The following HKDC1 variants were observed in gnomAD, a reference collection of about 807,000 sequenced individuals.
HKDC1 encodes hexokinase domain containing 1, also known as hexokinase HKDC1.
In HKDC1, 66 loss-of-function variants were observed where a neutral mutation model predicts 96.6. The ratio of observed to expected loss-of-function variants is 0.68; its 90% CI spans 0.56 to 0.84. The LOEUF (loss-of-function observed/expected upper bound fraction) is 0.84, where lower values mean the gene tolerates loss of function less well. Ranked by LOEUF, HKDC1 falls within the 40% of genes least tolerant of loss-of-function variation. The probability of loss-of-function intolerance (pLI) is 0.00; values close to 1 mark genes in which losing one functional copy is unlikely to be tolerated. For missense variants in HKDC1, 1,211 were observed against 1,208.1 expected (o/e 1.00, Z -0.04); for synonymous variants, 466 against 473.1 (o/e 0.98, Z 0.20).
intron 11 of HKDC1, 43 bp from the exon 12 acceptor site, chr10:69,250,490 C>T: frequency 4.3e-6 from 7 of 1,612,980 alleles, no homozygotes; most frequent in Non-Finnish European, 5.1e-6. Flanking sequence ...CACCCTGCAT[C>T]GATGTCCGCC....
At chr10:69,238,302 A>T (rs1006916435) in intron 4 of HKDC1, among the ~76,000 whole-genome samples, 2 of 151,978 alleles carry the variant, frequency 1.3e-5, no homozygotes, top group African/African-American at 4.8e-5. Context: ...AGGTTACACC[A>T]TGTTAGTTCT....
intron 12 of HKDC1, among the ~76,000 whole-genome samples, chr10:69,255,820 G>A (rs1163938574): frequency 1.3e-5 from 2 of 151,822 alleles, no homozygotes; most frequent in Admixed American, 6.6e-5. Flanking sequence ...AGGAGGCTGA[G>A]GCACGAGAAT....
At chr10:69,248,291 C>T in intron 9 of HKDC1, 133 bp from the exon 10 acceptor site, 1 of 898,838 alleles carries the variant, frequency 1.1e-6, no homozygotes, top group Non-Finnish European at 1.7e-6. Flanking sequence ...CCTCCCCTCC[C>T]TACCATCAGC....
chr10:69,248,877 A>G, intron 10 of HKDC1, 149 bp downstream of exon 10: 1 of 748,538 alleles, frequency 1.3e-6, no homozygotes. Flanking sequence ...TTCTTTCTAA[A>G]TCTGTTGGCC....
intron 12 of HKDC1, among the ~76,000 whole-genome samples, chr10:69,254,126 G>T (rs1231409823): frequency 6.6e-6 from 1 of 152,084 alleles, no homozygotes; most frequent in Non-Finnish European, 1.5e-5. Flanking sequence ...CCAACATGGC[G>T]AAACCCCATC....
rs200049397 is a variant in HKDC1 at position 69,265,586 on chromosome 10, G to T, written c.2374G>T (p.Asp792Tyr). ...ETKFLSQIES[D>Y]RLALLQVRRI... The stretch of plus-strand genomic sequence containing the variant: ...GACTCCCTGCTCTATTGCCTGCAGC[G>T]ATCGGCTGGCCCTTCTCCAGGTCAG... Residue 792 changes from aspartate to tyrosine, a missense_variant and splice_region_variant, in exon 17 of 18, where the codon GAT becomes TAT. Transcript: ENST00000354624. 4.4e-5 allele frequency: 71 copies of T among 1,613,376 alleles called. 1 individual carries two copies.
chr10:69,259,848 C>T (rs1228830719), intron 15 of HKDC1, among the ~76,000 whole-genome samples: 1 of 152,136 alleles, frequency 6.6e-6, no homozygotes, highest in Non-Finnish European at 1.5e-5. Flanking sequence ...GGAAATCCAC[C>T]CCCATGATCC....
chr10:69,230,094 G>C (rs1034414709), intron 2 of HKDC1, among the ~76,000 whole-genome samples: 1 of 152,206 alleles, frequency 6.6e-6, no homozygotes, highest in African/African-American at 2.4e-5. Flanking sequence ...ATCTGCGAGG[G>C]AGTCACCTGT....
At position 69,267,499 on chromosome 10, in the gene HKDC1, G is replaced by T. The variant is rs975417406; in HGVS notation, c.*742G>T. The T allele has an allele frequency of 6.6e-6, 3 of 455,310 alleles. No individual in the cohort carries two copies. The highest frequency in any genetic ancestry group is 6.0e-5 in the African/African-American group (3 of 49,932). 28.2% of individuals were successfully genotyped at this position (455,310 alleles called of 1,614,324 possible). ...GGTGTTGATAGTTGTTTTAAGGATT[G>T]TTAGGTATAGGAAATCCAGTAAATT... On this transcript the variant is annotated 3_prime_UTR_variant, in exon 18 of 18. Coordinates refer to ENST00000354624, the MANE Select transcript of HKDC1 (RefSeq NM_025130.4).
Position 69,265,752 on chromosome 10 carries a change from A to G in HKDC1, c.2540A>G (p.Asp847Gly). 6.2e-7 allele frequency: 1 copy of G among 1,611,864 alleles called. No homozygotes were observed. ...GCTATAGTGGAAAAAAGGAGAGAAGACCAGGGGCTAGAGCACCTGAGGATC... is the reference window on the plus strand; with the variant it reads ...GCTATAGTGGAAAAAAGGAGAGAAGGCCAGGGGCTAGAGCACCTGAGGATC... ...LAAIVEKRRE[D>G]QGLEHLRITV... is the part of the protein sequence containing the mutation. Residue 847 changes from aspartate to glycine, a missense_variant, in exon 17 of 18, where the codon GAC (aspartate) becomes GGC (glycine). Asp to Gly is a moderately conservative substitution (Grantham distance 94, BLOSUM62 -1). Transcript: ENST00000354624.
intron 7 of HKDC1, 134 bp downstream of exon 7, chr10:69,243,499 C>CTT (rs5785905): frequency 0.046 from 23,906 of 517,114 alleles, 13 homozygotes; most frequent in East Asian, 0.071. Context: ...TTTCTTTTTC[C>CTT]TTTTTTTTTT....
At chr10:69,254,173 C>T (rs1843685184) in intron 12 of HKDC1, among the ~76,000 whole-genome samples, 1 of 152,070 alleles carries the variant, frequency 6.6e-6, no homozygotes, top group Non-Finnish European at 1.5e-5. Flanking sequence ...GGTATGGTGG[C>T]GGGTGCCTGC....
At chr10:69,230,692 C>T (rs954172421) in intron 2 of HKDC1, among the ~76,000 whole-genome samples, 7 of 152,250 alleles carry the variant, frequency 4.6e-5, no homozygotes, top group Non-Finnish European at 1.0e-4. Context: ...TAGATCACTG[C>T]AGCCTTGACC....
At chr10:69,263,925 A>T (rs1843849588) in intron 16 of HKDC1, among the ~76,000 whole-genome samples, 1 of 152,252 alleles carries the variant, frequency 6.6e-6, no homozygotes, top group Admixed American at 6.5e-5. Flanking sequence ...CTGTAATCCC[A>T]GGACTTTGGG....
At chr10:69,253,419 G>A (rs561503516) in intron 12 of HKDC1, among the ~76,000 whole-genome samples, 2 of 152,340 alleles carry the variant, frequency 1.3e-5, no homozygotes, top group South Asian at 4.1e-4. Flanking sequence ...GCCACACAGA[G>A]AGGCCCAGTG....
chr10:69,263,609 T>C (rs1331894859), intron 16 of HKDC1, among the ~76,000 whole-genome samples: 1 of 152,192 alleles, frequency 6.6e-6, no homozygotes, highest in Non-Finnish European at 1.5e-5. Flanking sequence ...CTGTTTATGC[T>C]GCGTGACCTG....
At position 69,240,750 on chromosome 10, in the gene HKDC1, C is replaced by A; in HGVS notation, c.690C>A (p.Ile230=). The A allele has an allele frequency of 6.2e-7, 1 of 1,611,886 alleles. No individual in the cohort carries two copies. The highest frequency in any genetic ancestry group is 1.1e-5 in the South Asian group (1 of 91,018). ...DDPYCEVGVI[I]GTGTNACYME... ...CCTACTGCGAAGTTGGTGTCATCAT[C>A]GGTAACTCAATTGGACTGGTTTTTT... Residue 230 remains isoleucine, a splice_region_variant and synonymous_variant, in exon 6 of 18, where the codon ATC becomes ATA. Transcript: ENST00000354624.
rs10823325 is a variant in HKDC1, at chr10:69,257,688, G to A, written c.2032+262G>A. On this transcript the variant is annotated intron_variant, in intron 14 of 17. Coordinates refer to ENST00000354624, the MANE Select transcript of HKDC1 (RefSeq NM_025130.4). ...AGGACCTTGGGGCCAATTGTCATGGGGGGGGGAAGGAGACTACAGTTGGAT... is the reference window on the plus strand; with the variant it reads ...AGGACCTTGGGGCCAATTGTCATGGAGGGGGGAAGGAGACTACAGTTGGAT... Among the ~76,000 whole-genome samples the A allele has an allele frequency of 6.7e-4, 100 of 149,640 alleles. 2 individuals carry two copies. The highest frequency in any genetic ancestry group is 5.5e-3 in the Admixed American group (83 of 15,204).
Position 69,265,734 on chromosome 10 carries a change from T to C in HKDC1, c.2522T>C (p.Val841Ala). Residue 841 changes from valine to alanine, a missense_variant, in exon 17 of 18, where the codon GTG becomes GCG. Transcript: ENST00000354624. The part of the protein sequence containing the change: ...QLCGAGLAAI[V>A]EKRREDQGLE... ...TGCGGTGCTGGCCTGGCCGCTATAG[T>C]GGAAAAAAGGAGAGAAGACCAGGGG... 1 of 1,612,240 alleles carries C rather than the reference T, an allele frequency of 6.2e-7. No homozygotes were observed. The highest frequency in any genetic ancestry group is 1.3e-5 in the African/African-American group (1 of 74,708).
Sources: allele counts gnomAD v4.1 joint callset (sites outside exome capture counted in the v4.1 genomes callset), GRCh38; gene constraint gnomAD v4.1.1; transcripts MANE v1.5; gene names NCBI Gene and HGNC (gene_info 2026-07-23, HGNC 2026-07-21).